The following DGKB variants were observed in gnomAD, a reference collection of about 807,000 sequenced individuals.
DGKB encodes the protein 90 kDa diacylglycerol kinase.
In DGKB, 67 loss-of-function variants were observed where a neutral mutation model predicts 114.3. That is an observed-to-expected ratio of 0.59 (90% CI 0.48 to 0.72). The LOEUF is 0.72. Among genes scored for constraint, DGKB ranks in the 30% least tolerant of loss-of-function variants. DGKB has a pLI of 0.00. For synonymous variants in DGKB, 398 were observed against 323.1 expected (o/e 1.23, Z -2.49); for missense variants, 907 against 975.2 (o/e 0.93, Z 0.93).
intron 25 of DGKB, among the ~76,000 whole-genome samples, chr7:14,167,052 A>C (rs575823707): frequency 5.3e-5 from 8 of 152,104 alleles, no homozygotes; most frequent in Admixed American, 4.6e-4. Context: ...TGTACTAAAA[A>C]TACAAAAAAT....
Position 14,396,010 on chromosome 7 carries a change from C to G in DGKB, c.1836-50619G>C, listed in dbSNP as rs1822158241. ...TATAACTTTCCTCATTATGAGTCAT[C>G]AATATATGAATTGTTTAGTCTTCTA... On this transcript the variant is annotated intron_variant, in intron 21 of 25. Coordinates refer to ENST00000402815, the MANE Select transcript of DGKB (RefSeq NM_001350709.2). 2.0e-5 allele frequency among the ~76,000 whole-genome samples: 3 copies of G among 151,930 alleles called. 1 individual carries two copies. In the South Asian group the frequency reaches 6.2e-4, roughly 32 times the overall value.
At chr7:14,302,091 A>T (rs754880449) in intron 23 of DGKB, among the ~76,000 whole-genome samples, 2 of 152,140 alleles carry the variant, frequency 1.3e-5, no homozygotes, top group African/African-American at 4.8e-5. Flanking sequence ...AATTCCACAA[A>T]CATAGCATGG....
chr7:14,906,847 T>A (rs571083542), upstream of DGKB, among the ~76,000 whole-genome samples: 4 of 152,200 alleles, frequency 2.6e-5, no homozygotes, highest in East Asian at 7.7e-4. Flanking sequence ...TTATTAAACA[T>A]CTATTATCTG....
At chr7:14,672,833 T>A in intron 13 of DGKB, 96 bp downstream of exon 13, 1 of 662,076 alleles carries the variant, frequency 1.5e-6, no homozygotes, top group Non-Finnish European at 2.6e-6. Context: ...TCTACCTTGA[T>A]TGATGAAAAA....
At chr7:14,318,690 G>T (rs529098049) in intron 23 of DGKB, among the ~76,000 whole-genome samples, 1 of 152,112 alleles carries the variant, frequency 6.6e-6, no homozygotes, top group African/African-American at 2.4e-5. Context: ...CTGTTGGTGG[G>T]ACTGTAAACT....
chr7:14,809,003 A>G (rs1314787852), intron 2 of DGKB, among the ~76,000 whole-genome samples: 1 of 152,184 alleles, frequency 6.6e-6, no homozygotes, highest in Non-Finnish European at 1.5e-5. Flanking sequence ...TGTAGAAATA[A>G]AAGCATTTAT....
chr7:14,929,676 G>A (rs1267089449), intron 1 of DGKB, among the ~76,000 whole-genome samples: 1 of 152,034 alleles, frequency 6.6e-6, no homozygotes, highest in African/African-American at 2.4e-5. Context: ...CAGGCTGTCT[G>A]TTCACTCTGT....
rs1251407455 is a variant in DGKB at position 14,216,745 on chromosome 7, AAAAG to A, written c.2123-38598_2123-38595del. On this transcript the variant is annotated intron_variant, in intron 23 of 25. Coordinates refer to ENST00000402815, the MANE Select transcript of DGKB (RefSeq NM_001350709.2). ...CGTCTCAAAAAAAAAAAAAAAAAAA[AAAAG>A]AACCATATAGCAAGTTCCCTCTTTT... Among the ~76,000 whole-genome samples, 9 of 151,140 alleles carry A rather than the reference AAAAG, an allele frequency of 6.0e-5. No individual in the cohort carries two copies. The South Asian group carries it at 1.7e-3, about 28-fold the overall frequency.
rs764482469 is a variant in DGKB, at chr7:14,962,634, GTT to G, written c.-188+12060_-188+12061del. Among the ~76,000 whole-genome samples the G allele has an allele frequency of 2.5e-3, 328 of 130,318 alleles. 3 individuals carry two copies. The highest frequency in any genetic ancestry group is 0.018 in the Admixed American group (232 of 13,236). 85.5% of individuals were successfully genotyped at this position (130,318 alleles called of 152,430 possible). A position where few individuals can be genotyped will look rare whatever the true frequency, so the allele number is the denominator to read the frequency against. On this transcript the variant is annotated intron_variant, in intron 1 of 4. Transcript: ENST00000437998. ...TAGCTATAGCTGTGTGTGTGTGTGTGTTTGTGTGTGTGTGTGTGTGTGTGTGT... is the reference window on the plus strand; with the variant it reads ...TAGCTATAGCTGTGTGTGTGTGTGTGTGTGTGTGTGTGTGTGTGTGTGTGT...
chr7:14,443,602 A>C lies in DGKB; in HGVS notation c.1835+34559T>G, dbSNP rs187458437. The stretch of plus-strand genomic sequence containing the variant: ...CTCTGACTTCTATTGTCGATGTTGA[A>C]TAATCAGTTGTCACTTTAGTTGTGT... On this transcript the variant is annotated intron_variant, in intron 21 of 25. Transcript: ENST00000402815. 4.7e-3 allele frequency among the ~76,000 whole-genome samples: 712 copies of C among 152,216 alleles called. 13 individuals are homozygous for C. In the Middle Eastern group the frequency reaches 0.086, roughly 18 times the overall value.
At chr7:14,867,747 G>A (rs187747187) in intron 1 of DGKB, among the ~76,000 whole-genome samples, 219 of 152,032 alleles carry the variant, frequency 1.4e-3, no homozygotes, top group Non-Finnish European at 2.3e-3. Context: ...CTTTGAGAGC[G>A]CTCTTTATAA....
intron 23 of DGKB, among the ~76,000 whole-genome samples, chr7:14,253,430 C>A (rs1019619419): frequency 6.6e-6 from 1 of 152,160 alleles, no homozygotes; most frequent in Non-Finnish European, 1.5e-5. Context: ...TATATGTGAT[C>A]TCCTCTACAT....
chr7:14,811,704 C>G (rs1843454863), intron 2 of DGKB, among the ~76,000 whole-genome samples: 2 of 151,916 alleles, frequency 1.3e-5, no homozygotes, highest in Admixed American at 6.6e-5. Flanking sequence ...CTGAGCTGAT[C>G]ATATTTATCC....
chr7:14,701,224 A>G (rs993300483), intron 7 of DGKB, among the ~76,000 whole-genome samples: 2 of 152,214 alleles, frequency 1.3e-5, no homozygotes, highest in African/African-American at 2.4e-5. Flanking sequence ...TTTCAGCCGC[A>G]TATAGGACAA....
intron 20 of DGKB, among the ~76,000 whole-genome samples, chr7:14,545,113 A>C (rs2128628297): frequency 6.6e-6 from 1 of 151,794 alleles, no homozygotes; most frequent in East Asian, 1.9e-4. Flanking sequence ...TTTTTTCTAA[A>C]ATTTTGTTTT....
At chr7:14,344,801 A>G (rs888813891) in intron 22 of DGKB, among the ~76,000 whole-genome samples, 1 of 150,998 alleles carries the variant, frequency 6.6e-6, no homozygotes, top group African/African-American at 2.4e-5. Context: ...TCCACTTTCT[A>G]TAAATGTAAT....
intron 20 of DGKB, among the ~76,000 whole-genome samples, chr7:14,546,585 G>C (rs1584726971): frequency 6.6e-6 from 1 of 152,282 alleles, no homozygotes; most frequent in East Asian, 1.9e-4. Context: ...TGGAAGGTAA[G>C]ATTGTGTCTT....
chr7:14,832,847 C>A (rs904632182), intron 2 of DGKB, among the ~76,000 whole-genome samples: 3 of 152,218 alleles, frequency 2.0e-5, no homozygotes, highest in African/African-American at 7.2e-5. Context: ...CAAAGGCACA[C>A]CCATTCTATA....
At chr7:14,712,112 T>C (rs1827455226) in intron 6 of DGKB, among the ~76,000 whole-genome samples, 1 of 152,160 alleles carries the variant, frequency 6.6e-6, no homozygotes, top group East Asian at 1.9e-4. Flanking sequence ...GAGAATAAAA[T>C]GGATTCTCTG....
Sources: gnomAD v4.1 joint callset for allele counts (sites outside exome capture counted in the v4.1 genomes callset) on GRCh38, gnomAD v4.1.1 for gene constraint, MANE v1.5 for transcripts, NCBI Gene and HGNC (gene_info 2026-07-23, HGNC 2026-07-21) for gene names.